Variants in CDC42SE2 observed in about 807,000 individuals in gnomAD.
CDC42SE2 encodes the protein CDC42 small effector 2.
CDC42SE2 carries 3 observed loss-of-function variants against 11.5 expected under a neutral mutation model. The observed-to-expected ratio is 0.26, with a 90% CI of 0.12 to 0.67. The LOEUF (loss-of-function observed/expected upper bound fraction) is 0.67, where lower values mean the gene tolerates loss of function less well. Among genes scored for constraint, CDC42SE2 ranks in the 30% least tolerant of loss-of-function variants. The pLI, the probability that CDC42SE2 is intolerant of heterozygous loss-of-function variation, is 0.80. For missense variants in CDC42SE2, 82 were observed against 106.8 expected (o/e 0.77, Z 1.02); for synonymous variants, 33 against 34.8 (o/e 0.95, Z 0.18).
At chr5:131,242,230 G>A (rs966325057), upstream of CDC42SE2, among the ~76,000 whole-genome samples, 4 of 152,234 alleles carry the variant, frequency 2.6e-5, no homozygotes, top group Middle Eastern at 3.4e-3. Flanking sequence ...ACCAAAACAT[G>A]AGAAAATGTT....
intron 3 of CDC42SE2, among the ~76,000 whole-genome samples, chr5:131,381,433 C>G (rs781586755): frequency 6.6e-6 from 1 of 152,024 alleles, no homozygotes; most frequent in South Asian, 2.1e-4. Flanking sequence ...AAACGATTCT[C>G]CTGTCTCTGC....
rs561637752 is a variant in CDC42SE2 at position 131,343,726 on chromosome 5, AAGAG to A, written c.-285-15473_-285-15470del. On this transcript the variant is annotated intron_variant, in intron 2 of 4. Coordinates refer to ENST00000505065, the MANE Select transcript of CDC42SE2 (RefSeq NM_001375635.1). ...TAAACTCTGTCTCAAAAAAAAAAAA[AAGAG>A]AGAGAGAGATGGAAGAGGCAGAGAG... Among the ~76,000 whole-genome samples the A allele has an allele frequency of 9.2e-5, 14 of 151,816 alleles. No individual in the cohort carries two copies. In the South Asian group the frequency reaches 2.1e-3, roughly 23 times the overall value.
At chr5:131,299,441 G>A (rs952177470) in intron 1 of CDC42SE2, among the ~76,000 whole-genome samples, 3 of 152,170 alleles carry the variant, frequency 2.0e-5, no homozygotes, top group African/African-American at 7.2e-5. Flanking sequence ...TGGGGGATGA[G>A]ATGGAAAGGC....
chr5:131,232,255 A>G, the CDC42SE2 span, among the ~76,000 whole-genome samples: 29 of 152,052 alleles, frequency 1.9e-4, no homozygotes, highest in African/African-American at 6.5e-4. Flanking sequence ...CTGGGACTAC[A>G]GGCGTTCACC....
chr5:131,326,116 T>G (rs1372665748), intron 2 of CDC42SE2, among the ~76,000 whole-genome samples: 1 of 152,068 alleles, frequency 6.6e-6, no homozygotes, highest in African/African-American at 2.4e-5. Flanking sequence ...ATTTTTTTTT[T>G]TTTTTTGAGA....
At chr5:131,284,586 T>TCAGC (rs763785786) in intron 1 of CDC42SE2, among the ~76,000 whole-genome samples, 10 of 152,182 alleles carry the variant, frequency 6.6e-5, no homozygotes, top group Non-Finnish European at 1.0e-4. Flanking sequence ...GCCTCGCACC[T>TCAGC]CAGCCTCCTG....
chr5:131,286,506 C>G (rs1420972141), intron 1 of CDC42SE2, among the ~76,000 whole-genome samples: 3 of 150,796 alleles, frequency 2.0e-5, no homozygotes, highest in African/African-American at 7.3e-5. Context: ...CTTCAGAAGC[C>G]TCTGTTTACT....
chr5:131,321,914 G>A (rs906600130), intron 2 of CDC42SE2, among the ~76,000 whole-genome samples: 1 of 152,156 alleles, frequency 6.6e-6, no homozygotes, highest in African/African-American at 2.4e-5. Flanking sequence ...GCGGTGACGC[G>A]ATGTCGGCTC....
chr5:131,349,624 A>G (rs754756755), intron 2 of CDC42SE2, among the ~76,000 whole-genome samples: 20 of 152,190 alleles, frequency 1.3e-4, no homozygotes, highest in Non-Finnish European at 2.5e-4. Context: ...TCAACTGTAT[A>G]TGAGTATGTG....
At chr5:131,320,631 A>G (rs1253598809) in intron 2 of CDC42SE2, among the ~76,000 whole-genome samples, 1 of 151,604 alleles carries the variant, frequency 6.6e-6, no homozygotes, top group Non-Finnish European at 1.5e-5. Context: ...AATCTCAGCT[A>G]CTTGGGAGGC....
At chr5:131,280,118 A>G (rs569921138) in intron 1 of CDC42SE2, among the ~76,000 whole-genome samples, 4 of 152,302 alleles carry the variant, frequency 2.6e-5, no homozygotes, top group African/African-American at 9.6e-5. Flanking sequence ...TTTTTTGAGC[A>G]ACAGTTGCTT....
At chr5:131,301,183 A>G (rs905168050) in intron 1 of CDC42SE2, among the ~76,000 whole-genome samples, 13 of 152,162 alleles carry the variant, frequency 8.5e-5, no homozygotes, top group Non-Finnish European at 1.8e-4. Context: ...GAGACTGGCA[A>G]GGGTAGGGGG....
At chr5:131,250,702 A>G (rs183959796) in intron 1 of CDC42SE2, among the ~76,000 whole-genome samples, 15 of 152,324 alleles carry the variant, frequency 9.8e-5, no homozygotes, top group Non-Finnish European at 2.1e-4. Context: ...ACATATAATA[A>G]AAAGAGTGAA....
Position 131,308,099 on chromosome 5 carries a change from T to A in CDC42SE2, c.-454-7877T>A, listed in dbSNP as rs1241641149. 2.6e-5 allele frequency among the ~76,000 whole-genome samples: 4 copies of A among 152,304 alleles called. 1 individual carries two copies. The highest frequency in any genetic ancestry group is 2.6e-4 in the Admixed American group (4 of 15,288). ...AGAGGTCAAACGTTTAAGTCTTTAA[T>A]CCATCTTGAATTGATTTTTGTATAA... is the stretch of plus-strand genomic sequence containing the variant. On this transcript the variant is annotated intron_variant, in intron 1 of 4. Coordinates refer to ENST00000505065, the MANE Select transcript of CDC42SE2 (RefSeq NM_001375635.1).
upstream of CDC42SE2, among the ~76,000 whole-genome samples, chr5:131,259,189 G>T (rs182011852): frequency 4.6e-4 from 70 of 152,148 alleles, no homozygotes; most frequent in Middle Eastern, 6.8e-3. Flanking sequence ...GATATCTGGG[G>T]TTTGCCATTA....
chr5:131,378,389 C>T (rs1750217257), intron 3 of CDC42SE2, among the ~76,000 whole-genome samples: 1 of 151,260 alleles, frequency 6.6e-6, no homozygotes, highest in Admixed American at 6.6e-5. Flanking sequence ...GCAGCTCACG[C>T]ACCCAGGGAA....
chr5:131,373,791 A>G (rs951984347), intron 3 of CDC42SE2, among the ~76,000 whole-genome samples: 1 of 152,246 alleles, frequency 6.6e-6, no homozygotes, highest in Admixed American at 6.5e-5. Context: ...CAACATGCCT[A>G]CAAAGGAAGC....
the CDC42SE2 span, among the ~76,000 whole-genome samples, chr5:131,228,243 T>C: frequency 6.6e-6 from 1 of 151,768 alleles, no homozygotes; most frequent in East Asian, 1.9e-4. Context: ...GGTAGGTACC[T>C]GTAGTCCCAG....
chr5:131,356,742 C>G (rs747526648), intron 2 of CDC42SE2, among the ~76,000 whole-genome samples: 1 of 151,772 alleles, frequency 6.6e-6, no homozygotes, highest in Non-Finnish European at 1.5e-5. Flanking sequence ...GACCCTGTCT[C>G]TACACAAAAT....
Sources: allele counts gnomAD v4.1 joint callset (sites outside exome capture counted in the v4.1 genomes callset), GRCh38; gene constraint gnomAD v4.1.1; transcripts MANE v1.5; gene names NCBI Gene and HGNC (gene_info 2026-07-23, HGNC 2026-07-21).